Variants in WDTC1 observed in about 807,000 individuals in gnomAD.
WDTC1 encodes WD and tetratricopeptide repeats 1.
WDTC1 carries 12 observed loss-of-function variants against 76.0 expected under a neutral mutation model. The observed-to-expected ratio is 0.16, with a 90% CI of 0.10 to 0.26. WDTC1 has a LOEUF of 0.26. Among genes scored for constraint, WDTC1 ranks in the 10% least tolerant of loss-of-function variants. The probability of loss-of-function intolerance (pLI) is 1.00; values close to 1 mark genes in which losing one functional copy is unlikely to be tolerated. For missense variants in WDTC1, 511 were observed against 908.8 expected (o/e 0.56, Z 5.63); for synonymous variants, 326 against 350.8 (o/e 0.93, Z 0.79).
In WDTC1 at chr1:27,287,813, C is replaced by G; in HGVS notation, c.431C>G (p.Pro144Arg). 6.2e-7 allele frequency: 1 copy of G among 1,613,960 alleles called. No individual in the cohort carries two copies. The highest frequency in any genetic ancestry group is 8.5e-7 in the Non-Finnish European group (1 of 1,179,930). ...CGGGTGAAGCGCATCGCCACAGCGC[C>G]CATGTGGCCCAACACATTCTGGAGT... ...TNRVKRIATA[P>R]MWPNTFWSAA... is the part of the protein sequence containing the mutation. Residue 144 changes from proline to arginine, a missense_variant, in exon 6 of 16, where the codon CCC (proline) becomes CGC (arginine). Transcript: ENST00000319394.
Position 27,306,215 on chromosome 1 carries a change from A to T in WDTC1, c.1866A>T (p.Glu622Asp). 2 of 1,614,080 alleles carry T rather than the reference A, an allele frequency of 1.2e-6. No homozygotes were observed. The highest frequency in any genetic ancestry group is 1.7e-6 in the Non-Finnish European group (2 of 1,180,006). The change falls in exon 16 of 16, where the codon GAA (glutamate) becomes GAT (aspartate). Residue 622 changes from glutamate (E) to aspartate (D), a missense_variant. Transcript: ENST00000319394. This position sits in a 1 kb window ranked among gnomAD's most constrained non-coding sequence, Gnocchi z 5.0. The stretch of plus-strand genomic sequence containing the variant: ...AAGACCTCACAGGCCGAGTCGTGGA[A>T]GATATGGAGGGTGCTTCACAGGCCA... ...ESEDLTGRVVEDMEGASQANQ... is the reference protein window; with the variant it reads ...ESEDLTGRVVDDMEGASQANQ...
In WDTC1 at chr1:27,251,033, A is replaced by ATTTTTTTTT. The variant is rs71584875; in HGVS notation, c.-99-9894_-99-9886dup. Among the ~76,000 whole-genome samples the ATTTTTTTTT allele has an allele frequency of 2.2e-3, 63 of 28,682 alleles. 23 individuals carry two copies. The highest frequency in any genetic ancestry group is 0.059 in the Middle Eastern group (2 of 34). The allele number at this position is 28,682 out of a possible 152,430, so 18.8% of individuals were successfully genotyped here. A position where few individuals can be genotyped will look rare whatever the true frequency, so the allele number is the denominator to read the frequency against. ...TGGCGTGCACCACTACTCCTGGCTA[A>ATTTTTTTTT]TTTTTTTTTTTTTTTTTTTTTTTTT... On this transcript the variant is annotated intron_variant, in intron 1 of 15. Coordinates refer to ENST00000319394, the MANE Select transcript of WDTC1 (RefSeq NM_001276252.2).
chr1:27,272,662 A>G (rs547977118), intron 3 of WDTC1, among the ~76,000 whole-genome samples: 5 of 152,310 alleles, frequency 3.3e-5, no homozygotes, highest in South Asian at 2.1e-4. Flanking sequence ...GCTTGTTTCA[A>G]TATAAACTCA....
intron 3 of WDTC1, among the ~76,000 whole-genome samples, chr1:27,266,047 C>T (rs752244895): frequency 5.9e-5 from 9 of 152,004 alleles, no homozygotes; most frequent in Non-Finnish European, 1.0e-4. Flanking sequence ...TTTTTAATAG[C>T]GTAAAGGGGT....
chr1:27,278,252 T>C (rs2013087917), intron 3 of WDTC1, among the ~76,000 whole-genome samples: 1 of 152,206 alleles, frequency 6.6e-6, no homozygotes, highest in Admixed American at 6.5e-5. Flanking sequence ...AGTGATTCAA[T>C]GGTAGAATTG....
At chr1:27,278,745 C>T (rs150705336) in intron 3 of WDTC1, among the ~76,000 whole-genome samples, 56 of 152,318 alleles carry the variant, frequency 3.7e-4, no homozygotes, top group African/African-American at 1.1e-3. Context: ...CTTGCTACTT[C>T]TCAGCATTCA....
At chr1:27,287,587 G>A in intron 5 of WDTC1, 87 bp from the exon 6 acceptor site, 1 of 1,422,342 alleles carries the variant, frequency 7.0e-7, no homozygotes, top group Non-Finnish European at 9.5e-7. Flanking sequence ...CATGGAGAGA[G>A]AAAAGGGTGC....
At chr1:27,271,266 G>A (rs1369867823) in intron 3 of WDTC1, among the ~76,000 whole-genome samples, 1 of 152,036 alleles carries the variant, frequency 6.6e-6, no homozygotes, top group Non-Finnish European at 1.5e-5. Flanking sequence ...CCAGGCTGGA[G>A]TGCAGTGGCG....
intron 1 of WDTC1, among the ~76,000 whole-genome samples, chr1:27,247,355 C>A (rs925774998): frequency 3.3e-5 from 5 of 152,112 alleles, no homozygotes; most frequent in African/African-American, 1.2e-4. Context: ...CTGTGCCCAG[C>A]CTTGTGCAGG....
chr1:27,278,835 G>T (rs2013108678), intron 3 of WDTC1, among the ~76,000 whole-genome samples: 2 of 152,210 alleles, frequency 1.3e-5, no homozygotes, highest in Admixed American at 6.5e-5. Context: ...CAGGTATGGT[G>T]GCTCATGCCT....
chr1:27,240,574 A>G (rs1382568381), intron 1 of WDTC1, among the ~76,000 whole-genome samples: 3 of 152,196 alleles, frequency 2.0e-5, no homozygotes, highest in Non-Finnish European at 4.4e-5. Flanking sequence ...GGGTAAATTC[A>G]GGCCTATGTG....
chr1:27,251,995 C>G (rs922803516), intron 1 of WDTC1, among the ~76,000 whole-genome samples: 1 of 151,844 alleles, frequency 6.6e-6, no homozygotes, highest in Admixed American at 6.6e-5. Context: ...TTGTAGTGAG[C>G]CAAGATCGCG....
intron 1 of WDTC1, among the ~76,000 whole-genome samples, chr1:27,258,559 AAGGG>A (rs2012365962): frequency 6.6e-6 from 1 of 151,672 alleles, no homozygotes; most frequent in Non-Finnish European, 1.5e-5. Flanking sequence ...AAAGAAAAGA[AAGGG>A]AGGGAGGGAA....
chr1:27,288,973 C>A (rs1273539391), intron 6 of WDTC1, among the ~76,000 whole-genome samples: 1 of 89,008 alleles, frequency 1.1e-5, no homozygotes, highest in African/African-American at 3.5e-5. Context: ...GCTGGCCGGG[C>A]GGGGGGCTGA....
chr1:27,255,254 G>T (rs2012237682), intron 1 of WDTC1, among the ~76,000 whole-genome samples: 1 of 152,060 alleles, frequency 6.6e-6, no homozygotes, highest in Non-Finnish European at 1.5e-5. Context: ...TCTTTTGGTG[G>T]ATTCTCATAG....
chr1:27,303,260 T>TAA lies in WDTC1; in HGVS notation c.1469-361_1469-360insAA. 8.0e-6 allele frequency among the ~76,000 whole-genome samples: 1 copy of TAA among 124,968 alleles called. No individual in the cohort carries two copies. The highest frequency in any genetic ancestry group is 1.7e-5 in the Non-Finnish European group (1 of 57,476). 82.0% of individuals were successfully genotyped at this position (124,968 alleles called of 152,430 possible). On this transcript the variant is annotated intron_variant, in intron 13 of 15. Coordinates refer to ENST00000319394, the MANE Select transcript of WDTC1 (RefSeq NM_001276252.2). This position sits in a 1 kb window ranked among gnomAD's most constrained non-coding sequence, Gnocchi z 4.8. ...CTGCACTCCAGCCTGCGTGACCATC[T>TAA]CAAAAAAAAAAAAAAAAGTCATCCA...
At chr1:27,289,422 C>T (rs1467150394) in intron 6 of WDTC1, among the ~76,000 whole-genome samples, 8 of 146,514 alleles carry the variant, frequency 5.5e-5, no homozygotes, top group African/African-American at 1.0e-4. Context: ...ACATCTCAGA[C>T]GATGGGCGGC....
chr1:27,249,632 G>C (rs1241140924), intron 1 of WDTC1, among the ~76,000 whole-genome samples: 1 of 151,874 alleles, frequency 6.6e-6, no homozygotes, highest in Non-Finnish European at 1.5e-5. Context: ...CACTAAGGCT[G>C]GAGTGGCATG....
Position 27,286,425 on chromosome 1 carries a change from A to G in WDTC1, c.292-1249A>G, listed in dbSNP as rs952569302. Among the ~76,000 whole-genome samples the G allele has an allele frequency of 3.3e-5, 5 of 150,400 alleles. No individual in the cohort carries two copies. In the South Asian group the frequency reaches 6.3e-4, roughly 19 times the overall value. ...TATTTGCTATTATAAGAGGCATCCA[A>G]GCATTTCTGACCAGGTCCCTTTTTT... On this transcript the variant is annotated intron_variant, in intron 5 of 15. Coordinates refer to ENST00000319394, the MANE Select transcript of WDTC1 (RefSeq NM_001276252.2).
Sources: gnomAD v4.1 joint callset for allele counts (sites outside exome capture counted in the v4.1 genomes callset) on GRCh38, gnomAD v4.1.1 for gene constraint, Gnocchi (gnomAD v3.1) non-coding constraint, MANE v1.5 for transcripts, NCBI Gene and HGNC (gene_info 2026-07-23, HGNC 2026-07-21) for gene names.